Variants in DLGAP2 observed in about 807,000 individuals in gnomAD.
DLGAP2 encodes the protein DLG associated protein 2.
In DLGAP2, 26 loss-of-function variants were observed where a neutral mutation model predicts 100.3. The ratio of observed to expected loss-of-function variants is 0.26; its 90% confidence interval spans 0.19 to 0.36. DLGAP2 has a LOEUF of 0.36. Ranked by LOEUF, DLGAP2 falls within the 10% of genes least tolerant of loss-of-function variation. The pLI is 1.00. For missense variants in DLGAP2, 1,858 were observed against 1,453.2 expected (o/e 1.28, Z -4.53); for synonymous variants, 886 against 630.1 (o/e 1.41, Z -6.08).
At chr8:1,528,531 T>C (rs1800872330) in intron 4 of DLGAP2, among the ~76,000 whole-genome samples, 1 of 152,214 alleles carries the variant, frequency 6.6e-6, no homozygotes, top group Admixed American at 6.5e-5. Flanking sequence ...ATGTAGATTC[T>C]CAGGGCCCAC....
At chr8:1,225,986 C>T (rs929169999) in intron 2 of DLGAP2, among the ~76,000 whole-genome samples, 30 of 151,316 alleles carry the variant, frequency 2.0e-4, no homozygotes, top group African/African-American at 7.3e-4. Flanking sequence ...GATATTTTTA[C>T]AAGGTGGTGA....
intron 2 of DLGAP2, among the ~76,000 whole-genome samples, chr8:1,246,553 C>A (rs73531953): frequency 0.016 from 2,384 of 152,322 alleles, 67 homozygotes; most frequent in African/African-American, 0.054. Context: ...AAATTAAATA[C>A]TGGGTTTTTA....
chr8:1,380,021 T>A (rs1193524130), intron 3 of DLGAP2, among the ~76,000 whole-genome samples: 1 of 152,118 alleles, frequency 6.6e-6, no homozygotes, highest in Non-Finnish European at 1.5e-5. Flanking sequence ...CATCCCAGCA[T>A]CTGCACCCTG....
At chr8:811,982 G>A (rs936913184) in intron 1 of DLGAP2, among the ~76,000 whole-genome samples, 1 of 152,222 alleles carries the variant, frequency 6.6e-6, no homozygotes, top group Non-Finnish European at 1.5e-5. Context: ...GGCACTGGCC[G>A]GAATTCTGGA....
intron 8 of DLGAP2, among the ~76,000 whole-genome samples, chr8:1,664,178 C>G (rs940258538): frequency 6.6e-6 from 1 of 152,184 alleles, no homozygotes; most frequent in African/African-American, 2.4e-5. Flanking sequence ...CCCGTGGCAG[C>G]GTTGGTGCAT....
intron 3 of DLGAP2, among the ~76,000 whole-genome samples, chr8:1,338,283 C>G (rs1170522333): frequency 6.6e-6 from 1 of 152,180 alleles, no homozygotes; most frequent in Non-Finnish European, 1.5e-5. Context: ...GCAGATGTTC[C>G]CCATTAGCCC....
In DLGAP2 at chr8:1,549,381, C is replaced by A. The variant is rs766677070; in HGVS notation, c.928C>A (p.Arg310=). 1 of 1,613,496 alleles carries A rather than the reference C, an allele frequency of 6.2e-7. No individual in the cohort carries two copies. The highest frequency in any genetic ancestry group is 1.1e-5 in the South Asian group (1 of 91,082). The change falls in exon 5 of 15, where the codon CGG becomes AGG. Residue 310 remains arginine (R), a synonymous_variant. Transcript: ENST00000637795. ...DDNLDSDSTY[R]TPSVLNRHHL... ...CAACCTGGACAGCGACAGCACCTAT[C>A]GGACGCCCAGCGTGCTCAACCGGCA...
intron 2 of DLGAP2, among the ~76,000 whole-genome samples, chr8:994,163 T>C (rs1440042753): frequency 3.3e-5 from 5 of 152,128 alleles, no homozygotes; most frequent in East Asian, 1.9e-4. Flanking sequence ...GCGAAGTAGA[T>C]AGAAATTATT....
At chr8:920,054 A>G (rs938207407) in intron 2 of DLGAP2, among the ~76,000 whole-genome samples, 15 of 152,202 alleles carry the variant, frequency 9.9e-5, no homozygotes, top group African/African-American at 3.1e-4. Context: ...CACGCGGAGC[A>G]TGGTCAGCAG....
chr8:1,554,186 G>A (rs1305827305), intron 5 of DLGAP2, among the ~76,000 whole-genome samples: 1 of 152,214 alleles, frequency 6.6e-6, no homozygotes, highest in Admixed American at 6.5e-5. Flanking sequence ...TACTCAGGAG[G>A]CCAAGGGCTG....
chr8:985,393 C>G (rs1800457122), intron 2 of DLGAP2, among the ~76,000 whole-genome samples: 1 of 152,204 alleles, frequency 6.6e-6, no homozygotes, highest in Admixed American at 6.5e-5. Context: ...GATTTCCATA[C>G]TGACAAAACA....
At chr8:839,001 T>G (rs767512924) in intron 1 of DLGAP2, among the ~76,000 whole-genome samples, 5 of 152,140 alleles carry the variant, frequency 3.3e-5, no homozygotes, top group African/African-American at 4.8e-5. Flanking sequence ...GTTATTTTGT[T>G]AAATCAGGAA....
chr8:923,331 G>A (rs1460234899), intron 2 of DLGAP2, among the ~76,000 whole-genome samples: 3 of 152,226 alleles, frequency 2.0e-5, no homozygotes, highest in Non-Finnish European at 2.9e-5. Context: ...CACGTCCCAT[G>A]ACAGTGTCTT....
chr8:1,548,484 A>AC (rs1370969148), intron 4 of DLGAP2, 142 bp from the exon 5 acceptor site: 11 of 510,078 alleles, frequency 2.2e-5, no homozygotes, highest in Admixed American at 8.6e-5. Flanking sequence ...AAAAAAAAAA[A>AC]CCCACAAATC....
intron 2 of DLGAP2, among the ~76,000 whole-genome samples, chr8:1,176,325 C>T (rs536850036): frequency 2.7e-5 from 4 of 150,224 alleles, no homozygotes; most frequent in South Asian, 2.1e-4. Context: ...TCAGGTTCCT[C>T]GCTCCACACA....
chr8:1,592,879 C>G (rs1004317400), intron 6 of DLGAP2, among the ~76,000 whole-genome samples: 1 of 152,184 alleles, frequency 6.6e-6, no homozygotes, highest in East Asian at 1.9e-4. Flanking sequence ...GGAGCAGTTA[C>G]ACTAGCATTT....
chr8:1,189,878 G>A (rs1395321187), intron 2 of DLGAP2, among the ~76,000 whole-genome samples: 1 of 152,228 alleles, frequency 6.6e-6, no homozygotes, highest in African/African-American at 2.4e-5. Flanking sequence ...GAAAATCACA[G>A]AGGTGATGGG....
intron 2 of DLGAP2, among the ~76,000 whole-genome samples, chr8:1,195,790 C>T (rs1227120162): frequency 6.6e-6 from 1 of 152,196 alleles, no homozygotes; most frequent in Admixed American, 6.5e-5. Context: ...GACCGTGTGG[C>T]GCGTTCCCCG....
chr8:779,642 T>C (rs1237181363), intron 1 of DLGAP2, among the ~76,000 whole-genome samples: 1 of 151,938 alleles, frequency 6.6e-6, no homozygotes, highest in Admixed American at 6.6e-5. Flanking sequence ...TAGCATTATT[T>C]TCTGAGAAGG....
Sources: gnomAD v4.1 joint callset for allele counts (sites outside exome capture counted in the v4.1 genomes callset) on GRCh38, gnomAD v4.1.1 for gene constraint, MANE v1.5 for transcripts, NCBI Gene and HGNC (gene_info 2026-07-23, HGNC 2026-07-21) for gene names.